The following NPEPPS variants were observed in gnomAD, a reference collection of about 807,000 sequenced individuals.
The protein encoded by NPEPPS is aminopeptidase puromycin sensitive, also known as puromycin-sensitive aminopeptidase.
In NPEPPS, 14 loss-of-function variants were observed where a neutral mutation model predicts 115.5. That is an observed-to-expected ratio of 0.12 (90% CI 0.08 to 0.19). NPEPPS has a LOEUF of 0.19. Ranked by LOEUF, NPEPPS falls within the 10% of genes least tolerant of loss-of-function variation. The pLI, the probability that NPEPPS is intolerant of heterozygous loss-of-function variation, is 1.00. For missense variants in NPEPPS, 523 were observed against 1,110.8 expected, an observed-to-expected ratio of 0.47 and a Z score of 7.52; for synonymous variants, 285 against 390.6, an observed-to-expected ratio of 0.73 and a Z score of 3.19.
chr17:47,600,506 T>A (rs1372154215), intron 14 of NPEPPS, among the ~76,000 whole-genome samples: 1 of 152,210 alleles, frequency 6.6e-6, no homozygotes, highest in Non-Finnish European at 1.5e-5. Context: ...GTGTCACAGT[T>A]GCCGTTTTCT....
In NPEPPS at chr17:47,531,198, C is replaced by T; in HGVS notation, c.-103C>T. ...GTAGGCAGCCCGCCCGCCAGTCCGC[C>T]CGCACCGCCTCCTTCCCAGCCCCTA... is the stretch of plus-strand genomic sequence containing the variant. On this transcript the variant is annotated 5_prime_UTR_variant, in exon 1 of 23. Transcript: ENST00000322157. 1.4e-6 allele frequency: 2 copies of T among 1,407,484 alleles called. No homozygotes were observed. Among genetic ancestry groups the T allele is most frequent in the East Asian group, 2.9e-5 (1 of 34,910 alleles). The allele number at this position is 1,407,484 out of a possible 1,614,324, so 87.2% of individuals were successfully genotyped here. A position where few individuals can be genotyped will look rare whatever the true frequency, so the allele number is the denominator to read the frequency against.
At chr17:47,523,936 A>T (rs1907318118) in intron 1 of NPEPPS, among the ~76,000 whole-genome samples, 1 of 151,792 alleles carries the variant, frequency 6.6e-6, no homozygotes, top group Admixed American at 6.6e-5. Flanking sequence ...AAAACTGAAA[A>T]CAATAGTGGC....
chr17:47,530,076 A>G (rs907357508), upstream of NPEPPS, among the ~76,000 whole-genome samples: 11 of 142,218 alleles, frequency 7.7e-5, no homozygotes, highest in East Asian at 2.1e-4. Context: ...AGCTGGGACA[A>G]CAGGCGCCCG....
intron 15 of NPEPPS, 60 bp downstream of exon 15, chr17:47,601,807 T>C (rs900915243): frequency 6.6e-7 from 1 of 1,513,156 alleles, no homozygotes; most frequent in South Asian, 1.2e-5. Context: ...TGGCCGGTTT[T>C]AAATTCTGCT....
rs1006407476 is a variant in NPEPPS at position 47,542,460 on chromosome 17, C to T, written c.256-3449C>T. Among the ~76,000 whole-genome samples, 9 of 150,658 alleles carry T rather than the reference C, an allele frequency of 6.0e-5. No homozygotes were observed. The South Asian group carries it at 1.7e-3, about 28-fold the overall frequency. On this transcript the variant is annotated intron_variant, in intron 1 of 22. Transcript: ENST00000322157. ...ACTAGGGAGGCTGAGGCAGGAAAATCGCTTGAACCTGGGAGGCGGAGGTTG... is the reference window on the plus strand; with the variant it reads ...ACTAGGGAGGCTGAGGCAGGAAAATTGCTTGAACCTGGGAGGCGGAGGTTG...
chr17:47,618,945 G>A, intron 20 of NPEPPS, 64 bp from the exon 21 acceptor site: 10 of 1,452,094 alleles, frequency 6.9e-6, no homozygotes, highest in East Asian at 2.3e-5. Flanking sequence ...ACAGTATGGT[G>A]CACTTTCTGG....
intron 3 of NPEPPS, among the ~76,000 whole-genome samples, chr17:47,573,408 T>C (rs1012379832): frequency 3.9e-5 from 6 of 152,226 alleles, no homozygotes; most frequent in African/African-American, 1.4e-4. Flanking sequence ...CAACCTAAGA[T>C]TGCATGCTTA....
At chr17:47,527,987 T>C (rs1907508936), upstream of NPEPPS, among the ~76,000 whole-genome samples, 1 of 150,994 alleles carries the variant, frequency 6.6e-6, no homozygotes, top group African/African-American at 2.4e-5. Context: ...TCGAAAAACA[T>C]TCAATTACAG....
At chr17:47,598,562 C>A (rs1272097547) in intron 13 of NPEPPS, among the ~76,000 whole-genome samples, 1 of 152,118 alleles carries the variant, frequency 6.6e-6, no homozygotes, top group Non-Finnish European at 1.5e-5. Context: ...GAGTTTGAGA[C>A]CAGCCTGGGT....
chr17:47,615,546 G>C (rs1914150345), intron 19 of NPEPPS, among the ~76,000 whole-genome samples: 1 of 152,142 alleles, frequency 6.6e-6, no homozygotes, highest in South Asian at 2.1e-4. Context: ...GACAGAGCAA[G>C]ACCCTATCTT....
At chr17:47,557,470 C>G (rs1910127541) in intron 2 of NPEPPS, 1 of 147,004 alleles carries the variant, frequency 6.8e-6, no homozygotes, top group Non-Finnish European at 1.5e-5. Context: ...TTACAGATTT[C>G]TTTATTCCTT....
chr17:47,581,358 A>G (rs1204026761), intron 4 of NPEPPS: 4 of 152,134 alleles, frequency 2.6e-5, no homozygotes, highest in Non-Finnish European at 5.9e-5. Flanking sequence ...TTTTTCTGTT[A>G]TATCTTCACT....
At chr17:47,559,010 C>T (rs1189891204) in intron 2 of NPEPPS, among the ~76,000 whole-genome samples, 1 of 151,264 alleles carries the variant, frequency 6.6e-6, no homozygotes, top group Non-Finnish European at 1.5e-5. Flanking sequence ...TGCATTCCAG[C>T]CTGGACAACA....
intron 2 of NPEPPS, chr17:47,559,586 A>G: frequency 2.2e-6 from 1 of 451,568 alleles, no homozygotes; most frequent in Non-Finnish European, 4.4e-6. Context: ...GTTGGTTACT[A>G]ATACTTAAGG....
chr17:47,545,785 G>A (rs1171837674), intron 1 of NPEPPS, 124 bp from the exon 2 acceptor site: 5 of 1,422,518 alleles, frequency 3.5e-6, no homozygotes, highest in Admixed American at 4.5e-5. Context: ...GGGCTCAAGC[G>A]ATCCTCTTTG....
intron 18 of NPEPPS, 88 bp downstream of exon 18, chr17:47,612,690 G>A (rs1264093425): frequency 1.6e-6 from 2 of 1,286,988 alleles, no homozygotes; most frequent in East Asian, 2.5e-5. Flanking sequence ...TTGAGACAGA[G>A]TCTTGCTCTG....
At chr17:47,524,046 C>G (rs1907324650) in intron 1 of NPEPPS, among the ~76,000 whole-genome samples, 1 of 151,450 alleles carries the variant, frequency 6.6e-6, no homozygotes, top group African/African-American at 2.4e-5. Context: ...TGGCTCATGC[C>G]TGTAATCCCT....
At chr17:47,543,891 G>GTTTGTTTGTTTATTTATTTATTTA (rs1555603402) in intron 1 of NPEPPS, among the ~76,000 whole-genome samples, 45 of 140,856 alleles carry the variant, frequency 3.2e-4, no homozygotes, top group African/African-American at 9.3e-4. Flanking sequence ...TTGTTTGTTT[G>GTTTGTTTGTTTATTTATTTATTTA]TTTATTTATT....
intron 1 of NPEPPS, among the ~76,000 whole-genome samples, chr17:47,542,218 G>T (rs2317801): frequency 2.0e-5 from 3 of 152,100 alleles, no homozygotes; most frequent in African/African-American, 7.2e-5. Flanking sequence ...GGGAGACTGC[G>T]CATGAAATCT....
Sources: allele counts gnomAD v4.1 joint callset (sites outside exome capture counted in the v4.1 genomes callset), GRCh38; gene constraint gnomAD v4.1.1; transcripts MANE v1.5; gene names NCBI Gene and HGNC (gene_info 2026-07-23, HGNC 2026-07-21).